CSRNP3: variants seen among roughly 807,000 people sequenced by gnomAD.
CSRNP3 encodes the protein cysteine and serine rich nuclear protein 3.
In CSRNP3, 12 loss-of-function variants were observed where a neutral mutation model predicts 48.0. The observed-to-expected ratio is 0.25, with a 90% confidence interval of 0.16 to 0.41. The LOEUF (loss-of-function observed/expected upper bound fraction) is 0.41. CSRNP3 is among the 10% of genes least tolerant of loss of function. The pLI, the probability that CSRNP3 is intolerant of heterozygous loss-of-function variation, is 1.00. For synonymous variants in CSRNP3, 263 were observed against 269.7 expected, an observed-to-expected ratio of 0.98 and a Z score of 0.24; for missense variants, 580 against 724.4, an observed-to-expected ratio of 0.80 and a Z score of 2.29.
At chr2:165,530,766 A>G (rs1684799545) in intron 3 of CSRNP3, among the ~76,000 whole-genome samples, 1 of 152,082 alleles carries the variant, frequency 6.6e-6, no homozygotes, top group South Asian at 2.1e-4. Context: ...CAAAATAAAT[A>G]TCTACAAATT....
At chr2:165,511,598 A>G (rs1321467035) in intron 2 of CSRNP3, among the ~76,000 whole-genome samples, 1 of 152,172 alleles carries the variant, frequency 6.6e-6, no homozygotes, top group Admixed American at 6.5e-5. Context: ...AGTGATAGAA[A>G]AAAGGGAGGA....
At chr2:165,522,991 A>C (rs1684683562) in intron 3 of CSRNP3, among the ~76,000 whole-genome samples, 1 of 152,108 alleles carries the variant, frequency 6.6e-6, no homozygotes, top group Non-Finnish European at 1.5e-5. Context: ...CACTATTTCA[A>C]AAGTTCATTA....
At chr2:165,558,146 GA>G (rs906051741) in intron 3 of CSRNP3, among the ~76,000 whole-genome samples, 32 of 152,218 alleles carry the variant, frequency 2.1e-4, no homozygotes, top group African/African-American at 3.1e-4. Context: ...TTAAGGGGGG[GA>G]AAAAACTATT....
At chr2:165,664,881 ACAAG>A (rs1687153751) in intron 5 of CSRNP3, among the ~76,000 whole-genome samples, 1 of 152,186 alleles carries the variant, frequency 6.6e-6, no homozygotes, top group African/African-American at 2.4e-5. Flanking sequence ...TAAACAAAAA[ACAAG>A]CAAACAAAAC....
intron 3 of CSRNP3, among the ~76,000 whole-genome samples, chr2:165,561,473 T>C (rs184657806): frequency 8.5e-4 from 130 of 152,300 alleles, no homozygotes; most frequent in African/African-American, 2.9e-3. Flanking sequence ...TCAGTAATGA[T>C]TCTTCTGTTT....
At chr2:165,546,303 C>T (rs1363734410) in intron 3 of CSRNP3, among the ~76,000 whole-genome samples, 1 of 152,148 alleles carries the variant, frequency 6.6e-6, no homozygotes, top group African/African-American at 2.4e-5. Context: ...AGCGATTCTC[C>T]TGCCTTAGCC....
intron 5 of CSRNP3, among the ~76,000 whole-genome samples, chr2:165,666,864 T>G (rs1399702774): frequency 0.033 from 1,263 of 37,720 alleles, 15 homozygotes; most frequent in Admixed American, 0.053. Context: ...AGAGAGAGAG[T>G]AAGAAAGAGA....
chr2:165,686,150 A>G lies in CSRNP3; in HGVS notation c.*6397A>G, dbSNP rs574791052. The G allele has an allele frequency of 7.0e-4, 107 of 152,128 alleles. No individual in the cohort carries two copies. The highest frequency in any genetic ancestry group is 2.3e-3 in the African/African-American group (95 of 41,518). 9.4% of individuals were successfully genotyped at this position (152,128 alleles called of 1,614,324 possible). On this transcript the variant is annotated 3_prime_UTR_variant, in exon 7 of 7. Transcript: ENST00000651982. ...GGGATTATCTTAAAAGGTATTTATT[A>G]ATGAGTATTTGGAAGAAAATTGACC...
chr2:165,633,277 A>G (rs950003892), intron 4 of CSRNP3, among the ~76,000 whole-genome samples: 1 of 152,258 alleles, frequency 6.6e-6, no homozygotes, highest in East Asian at 1.9e-4. Flanking sequence ...ATCACCTACA[A>G]CTATGTTGGC....
At position 165,681,965 on chromosome 2, in the gene CSRNP3, A is replaced by G. The variant is rs1687555639; in HGVS notation, c.*2212A>G. On this transcript the variant is annotated 3_prime_UTR_variant, in exon 7 of 7. Transcript: ENST00000651982. ...ACAAGAGGCTATTGTTCCTTCATTC[A>G]AGCACATGAAAGGATCATGTGTACT... 1 of 151,362 alleles carries G rather than the reference A, an allele frequency of 6.6e-6. No homozygotes were observed. The highest frequency in any genetic ancestry group is 6.6e-5 in the Admixed American group (1 of 15,130). The allele number at this position is 151,362 out of a possible 1,614,324, so 9.4% of individuals were successfully genotyped here.
In CSRNP3 at chr2:165,689,143, C is replaced by A. The variant is rs2105374610; in HGVS notation, c.*9390C>A. On this transcript the variant is annotated 3_prime_UTR_variant, in exon 7 of 7. Transcript: ENST00000651982. ...ATATTCAACAGAACTTAACCTGGACCTTATGTTGTAATAATTTATTCATAT... is the reference window on the plus strand; with the variant it reads ...ATATTCAACAGAACTTAACCTGGACATTATGTTGTAATAATTTATTCATAT... The A allele has an allele frequency of 6.6e-6, 1 of 152,086 alleles. No homozygotes were observed. Among genetic ancestry groups the A allele is most frequent in the Middle Eastern group, 3.4e-3 (1 of 292 alleles). 9.4% of individuals were successfully genotyped at this position (152,086 alleles called of 1,614,324 possible).
chr2:165,640,778 G>C (rs1409284098), intron 4 of CSRNP3, among the ~76,000 whole-genome samples: 1 of 152,204 alleles, frequency 6.6e-6, no homozygotes, highest in Non-Finnish European at 1.5e-5. Context: ...GCTTGAGCTT[G>C]AGCTTGACAC....
At chr2:165,474,805 G>C (rs1558910200) in intron 1 of CSRNP3, among the ~76,000 whole-genome samples, 1 of 152,174 alleles carries the variant, frequency 6.6e-6, no homozygotes. Flanking sequence ...AGGGATTTTA[G>C]AGTTGCATAG....
At chr2:165,622,366 C>G (rs1160379665) in intron 4 of CSRNP3, among the ~76,000 whole-genome samples, 1 of 152,018 alleles carries the variant, frequency 6.6e-6, no homozygotes, top group Non-Finnish European at 1.5e-5. Context: ...ACTAAAGAAG[C>G]CTACATTTAA....
chr2:165,565,457 C>G (rs1287122546), intron 3 of CSRNP3, among the ~76,000 whole-genome samples: 1 of 152,008 alleles, frequency 6.6e-6, no homozygotes. Context: ...TGAAGGAACA[C>G]GTGTACTATA....
intron 3 of CSRNP3, among the ~76,000 whole-genome samples, chr2:165,550,911 T>C (rs1274917670): frequency 6.6e-6 from 1 of 152,168 alleles, no homozygotes; most frequent in Non-Finnish European, 1.5e-5. Context: ...AAACATGGTT[T>C]CCTTGCAATT....
chr2:165,558,238 T>C (rs933143084), intron 3 of CSRNP3, among the ~76,000 whole-genome samples: 1 of 152,208 alleles, frequency 6.6e-6, no homozygotes, highest in African/African-American at 2.4e-5. Flanking sequence ...ATCAATGTCC[T>C]TGGGTATACT....
intron 4 of CSRNP3, among the ~76,000 whole-genome samples, chr2:165,616,946 G>A (rs1686255970): frequency 6.6e-6 from 1 of 151,962 alleles, no homozygotes; most frequent in East Asian, 1.9e-4. Flanking sequence ...CTAGCCTATT[G>A]TTGAAGCTCT....
chr2:165,658,159 A>C, intron 5 of CSRNP3, 139 bp downstream of exon 5: 1 of 923,144 alleles, frequency 1.1e-6, no homozygotes, highest in Non-Finnish European at 1.6e-6. Flanking sequence ...TTTTAAAGCA[A>C]AACGATATAG....
Sources: gnomAD v4.1 joint callset for allele counts (sites outside exome capture counted in the v4.1 genomes callset) on GRCh38, gnomAD v4.1.1 for gene constraint, MANE v1.5 for transcripts, NCBI Gene and HGNC (gene_info 2026-07-23, HGNC 2026-07-21) for gene names.